MARCHF6: variants seen among roughly 807,000 people sequenced by gnomAD.
The protein encoded by MARCHF6 is E3 ubiquitin-protein ligase MARCHF6.
Under a neutral mutation model 133.7 loss-of-function variants are expected in MARCHF6, and 31 were observed. That is an observed-to-expected ratio of 0.23 (90% confidence interval 0.17 to 0.31). The LOEUF (loss-of-function observed/expected upper bound fraction) is 0.31, where lower values mean the gene tolerates loss of function less well. MARCHF6 is among the 10% of genes least tolerant of loss of function. The pLI is 1.00. For synonymous variants in MARCHF6, 395 were observed against 402.5 expected (o/e 0.98, Z 0.22); for missense variants, 723 against 1,121.6 (o/e 0.64, Z 5.08).
At position 10,423,913 on chromosome 5, in the gene MARCHF6, C is replaced by T; in HGVS notation, c.2373+89C>T. 3 of 875,798 alleles carry T rather than the reference C, an allele frequency of 3.4e-6. No homozygotes were observed. The South Asian group carries it at 6.1e-5, about 18-fold the overall frequency. 54.3% of individuals were successfully genotyped at this position (875,798 alleles called of 1,614,324 possible). A position where few individuals can be genotyped will look rare whatever the true frequency, so the allele number is the denominator to read the frequency against. ...ATAACTCTTATTTCTTATCTTCCTA[C>T]CTTGCTGAGTTTTCTACATTTTTTT... On this transcript the variant is annotated intron_variant, in intron 23 of 25. Transcript: ENST00000274140.
rs191141286 is a variant in MARCHF6, at chr5:10,404,110, C to T, written c.1332+569C>T. Among the ~76,000 whole-genome samples the T allele has an allele frequency of 1.1e-4, 17 of 151,502 alleles. No homozygotes were observed. The East Asian group carries it at 3.1e-3, about 28-fold the overall frequency. On this transcript the variant is annotated intron_variant, in intron 15 of 25. Transcript: ENST00000274140. ...TTACTTTTTGATACTGAGTCTTGCTCTGTTGCCCAGGCTGGAATGTAGTGC... is the reference window on the plus strand; with the variant it reads ...TTACTTTTTGATACTGAGTCTTGCTTTGTTGCCCAGGCTGGAATGTAGTGC...
chr5:10,407,241 C>T (rs1738954724), intron 17 of MARCHF6, 39 bp downstream of exon 17: 2 of 1,103,188 alleles, frequency 1.8e-6, no homozygotes, highest in Non-Finnish European at 1.4e-6. Context: ...ACTAATTTAT[C>T]TCTATTAGGG....
At position 10,391,661 on chromosome 5, in the gene MARCHF6, GGAGGAGGACAAT is replaced by G. The variant is rs1487087046; in HGVS notation, c.705_716del (p.Asp235_Glu238del). The G allele has an allele frequency of 8.7e-6, 14 of 1,610,062 alleles. No individual in the cohort carries two copies. Among genetic ancestry groups the G allele is most frequent in the Non-Finnish European group, 1.2e-5 (14 of 1,178,418 alleles). On this transcript the variant is annotated inframe_deletion, in exon 7 of 26. Transcript: ENST00000274140. ...CCCAGGATGACCAGGCAGAAGAGGAGGAGGAGGACAATGAGGAGGAAGATGACGCTGGTGTGG... is the reference window on the plus strand; with the variant it reads ...CCCAGGATGACCAGGCAGAAGAGGAGGAGGAGGAAGATGACGCTGGTGTGG...
intron 20 of MARCHF6, 98 bp from the exon 21 acceptor site, chr5:10,415,390 A>C (rs912238560): frequency 9.1e-7 from 1 of 1,101,284 alleles, no homozygotes; most frequent in African/African-American, 1.6e-5. Flanking sequence ...CGAATGTGAT[A>C]TCTTTTTCCT....
intron 15 of MARCHF6, among the ~76,000 whole-genome samples, chr5:10,405,084 A>G (rs1050290271): frequency 2.0e-5 from 3 of 152,178 alleles, no homozygotes; most frequent in South Asian, 4.1e-4. Flanking sequence ...GATGCGTTAC[A>G]CAGAGGGTAA....
In MARCHF6 at chr5:10,438,556, G is replaced by C. The variant is rs1740732815; in HGVS notation, c.*4872G>C. The stretch of plus-strand genomic sequence containing the variant: ...TCATAGCTACTCTTGTTGCAAACAT[G>C]TAGTGATAAGGAGAACTAACGTATC... On this transcript the variant is annotated 3_prime_UTR_variant, in exon 26 of 26. Transcript: ENST00000274140. The C allele has an allele frequency of 6.6e-6, 1 of 152,196 alleles. No homozygotes were observed. Among genetic ancestry groups the C allele is most frequent in the East Asian group, 1.9e-4 (1 of 5,204 alleles). 9.4% of individuals were successfully genotyped at this position (152,196 alleles called of 1,614,324 possible). A position where few individuals can be genotyped will look rare whatever the true frequency, so the allele number is the denominator to read the frequency against.
At chr5:10,381,634 C>G (rs1003641025) in intron 3 of MARCHF6, among the ~76,000 whole-genome samples, 166 bp from the exon 4 acceptor site, 1 of 151,800 alleles carries the variant, frequency 6.6e-6, no homozygotes, top group Non-Finnish European at 1.5e-5. Flanking sequence ...TAAATGACTT[C>G]TTGGGTAAAT....
At chr5:10,370,927 GATAA>G (rs1220313528) in intron 1 of MARCHF6, among the ~76,000 whole-genome samples, 1 of 152,172 alleles carries the variant, frequency 6.6e-6, no homozygotes, top group Non-Finnish European at 1.5e-5. Context: ...TGGAGGAGCA[GATAA>G]ATAGAATATT....
intron 5 of MARCHF6, among the ~76,000 whole-genome samples, chr5:10,388,200 A>G (rs1272407035): frequency 6.6e-6 from 1 of 152,144 alleles, no homozygotes; most frequent in African/African-American, 2.4e-5. Context: ...ACTCCAGAGG[A>G]CCACTGGAAG....
chr5:10,427,612 C>G (rs1282898166), intron 24 of MARCHF6, among the ~76,000 whole-genome samples: 2 of 152,092 alleles, frequency 1.3e-5, no homozygotes, highest in African/African-American at 2.4e-5. Context: ...TCCCTTTAAC[C>G]GTGAGAGAGG....
intron 10 of MARCHF6, among the ~76,000 whole-genome samples, chr5:10,398,458 A>T (rs1220202339): frequency 6.6e-6 from 1 of 152,206 alleles, no homozygotes; most frequent in East Asian, 1.9e-4. Flanking sequence ...ATACTCACAA[A>T]GGTGCAGATT....
At chr5:10,355,146 C>A (rs374526459) in intron 1 of MARCHF6, among the ~76,000 whole-genome samples, 1 of 152,188 alleles carries the variant, frequency 6.6e-6, no homozygotes, top group Admixed American at 6.5e-5. Context: ...CCTAGGCATT[C>A]TGATTGCAAG....
At chr5:10,373,850 A>G (rs908521690) in intron 1 of MARCHF6, among the ~76,000 whole-genome samples, 1 of 152,064 alleles carries the variant, frequency 6.6e-6, no homozygotes, top group Non-Finnish European at 1.5e-5. Flanking sequence ...AAGTTAATCC[A>G]CAGTATTGTT....
intron 5 of MARCHF6, among the ~76,000 whole-genome samples, chr5:10,387,595 G>A (rs995023399): frequency 1.5e-4 from 23 of 152,152 alleles, no homozygotes; most frequent in African/African-American, 5.3e-4. Flanking sequence ...GAGCCACCGC[G>A]CCCGTCCGGG....
At position 10,437,947 on chromosome 5, in the gene MARCHF6, TAGGA is replaced by T. The variant is rs1170548525; in HGVS notation, c.*4269_*4272del. 1 of 152,780 alleles carries T rather than the reference TAGGA, an allele frequency of 6.5e-6. No homozygotes were observed. Among genetic ancestry groups the T allele is most frequent in the Non-Finnish European group, 1.5e-5 (1 of 68,034 alleles). The allele number at this position is 152,780 out of a possible 1,614,324, so 9.5% of individuals were successfully genotyped here. On this transcript the variant is annotated 3_prime_UTR_variant, in exon 26 of 26. Transcript: ENST00000274140. ...AGCATAGATAATCCAGATGTTATAA[TAGGA>T]AGGAAAAACAACTCCAGTTAAATGT...
At chr5:10,424,437 T>G (rs1739976880) in intron 23 of MARCHF6, among the ~76,000 whole-genome samples, 1 of 152,196 alleles carries the variant, frequency 6.6e-6, no homozygotes, top group Non-Finnish European at 1.5e-5. Context: ...TTCTAGGCAA[T>G]AGAGGGAGGA....
intron 1 of MARCHF6, among the ~76,000 whole-genome samples, chr5:10,357,695 GT>G (rs1735562362): frequency 6.6e-6 from 1 of 152,262 alleles, no homozygotes; most frequent in East Asian, 1.9e-4. Context: ...ACCTTTCACT[GT>G]TTTGGCATGC....
chr5:10,408,149 C>T (rs1273007594), intron 17 of MARCHF6, among the ~76,000 whole-genome samples: 3 of 152,186 alleles, frequency 2.0e-5, no homozygotes, highest in Non-Finnish European at 4.4e-5. Context: ...CTTAAAATCT[C>T]TTACTAATCT....
At position 10,400,751 on chromosome 5, in the gene MARCHF6, G is replaced by A. The variant is rs753547121; in HGVS notation, c.914-33G>A. ...TAGGAGTGTTCATTGTTTTGATGTC[G>A]GAGTTTTCATGGAATTTTTTCCCCC... On this transcript the variant is annotated intron_variant, in intron 10 of 25. Transcript: ENST00000274140. The A allele has an allele frequency of 5.0e-5, 75 of 1,504,600 alleles. No individual in the cohort carries two copies. The Middle Eastern group carries it at 8.5e-4, about 17-fold the overall frequency. The allele number at this position is 1,504,600 out of a possible 1,614,324, so 93.2% of individuals were successfully genotyped here.
Sources: gnomAD v4.1 joint callset for allele counts (sites outside exome capture counted in the v4.1 genomes callset) on GRCh38, gnomAD v4.1.1 for gene constraint, MANE v1.5 for transcripts, NCBI Gene and HGNC (gene_info 2026-07-23, HGNC 2026-07-21) for gene names.